Variants in UQCRC1 observed in about 807,000 individuals in gnomAD.
UQCRC1 encodes the protein cytochrome b-c1 complex subunit 1, mitochondrial.
UQCRC1 carries 34 observed loss-of-function variants against 58.0 expected under a neutral mutation model. The observed-to-expected ratio is 0.59, with a 90% CI of 0.45 to 0.78. The LOEUF (loss-of-function observed/expected upper bound fraction) is 0.78. Among genes scored for constraint, UQCRC1 ranks in the 30% least tolerant of loss-of-function variants. The pLI is 0.00. For missense variants in UQCRC1, 610 were observed against 646.0 expected (o/e 0.94, Z 0.60); for synonymous variants, 276 against 248.8 (o/e 1.11, Z -1.03).
At chr3:48,603,722 G>A in intron 5 of UQCRC1, 79 bp from the exon 6 acceptor site, 1 of 1,321,204 alleles carries the variant, frequency 7.6e-7, no homozygotes, top group Non-Finnish European at 1.1e-6. Context: ...TGGGACTGAG[G>A]AGGCAGACTA....
intron 2 of UQCRC1, among the ~76,000 whole-genome samples, chr3:48,608,547 T>C (rs2046434079): frequency 6.6e-6 from 1 of 152,226 alleles, no homozygotes; most frequent in Admixed American, 6.5e-5. Flanking sequence ...TCGCAGGACA[T>C]TGTTTCTGGA....
intron 2 of UQCRC1, among the ~76,000 whole-genome samples, 180 bp downstream of exon 2, chr3:48,608,982 T>C (rs573236921): frequency 2.0e-5 from 3 of 152,300 alleles, no homozygotes; most frequent in Admixed American, 6.5e-5. Context: ...ATAGTGAAGA[T>C]TGTCCCGTGA....
At chr3:48,603,538 A>T in intron 6 of UQCRC1, 26 bp downstream of exon 6, 1 of 1,611,728 alleles carries the variant, frequency 6.2e-7, no homozygotes, top group Non-Finnish European at 8.5e-7. Context: ...CCCACTACCC[A>T]GGACTTCAGT....
At position 48,600,058 on chromosome 3, in the gene UQCRC1, G is replaced by A; in HGVS notation, c.1302+5C>T. On this transcript the variant is annotated splice_donor_5th_base_variant and intron_variant, in intron 11 of 12. Transcript: ENST00000203407. ...TCCAGAACCTCTCCCAGGGGTCCAT[G>A]TTACCGCAATCCGGCTTTCCCATTC... 1 of 1,614,152 alleles carries A rather than the reference G, an allele frequency of 6.2e-7. No homozygotes were observed. The highest frequency in any genetic ancestry group is 1.1e-5 in the South Asian group (1 of 91,084).
chr3:48,605,884 A>G lies in UQCRC1; in HGVS notation c.211-28T>C, dbSNP rs752566716. 9 of 1,610,784 alleles carry G rather than the reference A, an allele frequency of 5.6e-6. No individual in the cohort carries two copies. The South Asian group carries it at 6.6e-5, about 12-fold the overall frequency. The stretch of plus-strand genomic sequence containing the variant: ...GGTCAAGAAGCCACCAGAAAAGGTT[A>G]CAAACAAACCACTCCCCAGCCCCCT... On this transcript the variant is annotated intron_variant, in intron 2 of 12. Coordinates refer to ENST00000203407, the MANE Select transcript of UQCRC1 (RefSeq NM_003365.3).
chr3:48,600,291 C>T, intron 10 of UQCRC1, 140 bp from the exon 11 acceptor site: 2 of 1,103,050 alleles, frequency 1.8e-6, no homozygotes, highest in South Asian at 2.9e-5. Context: ...CTTCTATGGT[C>T]ACCTATTATG....
chr3:48,601,137 A>G lies in UQCRC1; in HGVS notation c.823-19T>C, dbSNP rs891081527. On this transcript the variant is annotated intron_variant, in intron 7 of 12. Coordinates refer to ENST00000203407, the MANE Select transcript of UQCRC1 (RefSeq NM_003365.3). ...GGCGGATCTGAAACAGTACATGACA[A>G]GGCTGAGGAACAGCCAGACTGCCAG... is the stretch of plus-strand genomic sequence containing the variant. The G allele has an allele frequency of 4.4e-6, 7 of 1,587,720 alleles. No individual in the cohort carries two copies. Among genetic ancestry groups the G allele is most frequent in the Non-Finnish European group, 6.0e-6 (7 of 1,161,850 alleles).
chr3:48,600,574 T>TGGGG lies in UQCRC1; in HGVS notation c.1128-11_1128-8dup. On this transcript the variant is annotated splice_region_variant and splice_polypyrimidine_tract_variant and intron_variant, in intron 9 of 12. Transcript: ENST00000203407. ...ACTGGTACACAGGCGCATCCTAAAG[T>TGGGG]GGGGGGGTGGGTGGTATTCATTCTG... 1 of 1,613,838 alleles carries TGGGG rather than the reference T, an allele frequency of 6.2e-7. No individual in the cohort carries two copies. The highest frequency in any genetic ancestry group is 8.5e-7 in the Non-Finnish European group (1 of 1,179,964).
rs1405080371 is a variant in UQCRC1 at position 48,599,015 on chromosome 3, A to G, written c.*113T>C. On this transcript the variant is annotated 3_prime_UTR_variant, in exon 13 of 13. Transcript: ENST00000203407. ...GGGATGACACACTTCTCAGCAGAGG[A>G]TTTTATTGGTGGTCACCTGTGGCAC... 7.9e-7 allele frequency: 1 copy of G among 1,260,640 alleles called. No individual in the cohort carries two copies. Among genetic ancestry groups the G allele is most frequent in the Non-Finnish European group, 1.1e-6 (1 of 891,992 alleles). 78.1% of individuals were successfully genotyped at this position (1,260,640 alleles called of 1,614,324 possible). A position where few individuals can be genotyped will look rare whatever the true frequency, so the allele number is the denominator to read the frequency against.
At chr3:48,599,240 G>A (rs780252089) in intron 12 of UQCRC1, 48 bp from the exon 13 acceptor site, 4 of 1,550,310 alleles carry the variant, frequency 2.6e-6, no homozygotes, top group South Asian at 2.4e-5. Flanking sequence ...GGCCTGCACA[G>A]GGACACCTGG....
intron 10 of UQCRC1, 104 bp downstream of exon 10, chr3:48,600,378 C>G: frequency 6.8e-7 from 1 of 1,461,720 alleles, no homozygotes; most frequent in Admixed American, 1.8e-5. Flanking sequence ...GCGTGGTCTT[C>G]AAAGTTTTCC....
At chr3:48,604,185 AGGCCAG>A in intron 5 of UQCRC1, 42 bp downstream of exon 5, 1 of 1,595,942 alleles carries the variant, frequency 6.3e-7, no homozygotes, top group South Asian at 1.1e-5. Flanking sequence ...GGGTCTGGCC[AGGCCAG>A]AATGGAGCAA....
In UQCRC1 at chr3:48,605,800, T is replaced by G; in HGVS notation, c.267A>C (p.Ala89=). 1 of 1,613,958 alleles carries G rather than the reference T, an allele frequency of 6.2e-7. No individual in the cohort carries two copies. Among genetic ancestry groups the G allele is most frequent in the Non-Finnish European group, 8.5e-7 (1 of 1,179,924 alleles). ...AAGCCAGATGCTCCAAAAAGTAGCC[T>G]GCCCCATTATTCTTCTCAGTCTCAA... ...SRFETEKNNG[A]GYFLEHLAFK... The change falls in exon 3 of 13, where the codon GCA becomes GCC. Residue 89 remains alanine (A), a synonymous_variant. Transcript: ENST00000203407.
intron 2 of UQCRC1, among the ~76,000 whole-genome samples, chr3:48,608,913 G>T (rs549749871): frequency 2.0e-5 from 3 of 152,206 alleles, no homozygotes; most frequent in Non-Finnish European, 1.5e-5. Flanking sequence ...TTAACAAAAG[G>T]CTGGAAAAGA....
rs1214720527 is a variant in UQCRC1 at position 48,605,848 on chromosome 3, C to T, written c.219G>A (p.Val73=). ...CAAAACGGCTGCCAACATCAATCCA[C>T]ACTCCCACCTGGTCAAGAAGCCACC... The part of the protein sequence containing the change: ...QSSQPTCTVG[V]WIDVGSRFET... Residue 73 remains valine, a synonymous_variant, in exon 3 of 13, where the codon GTG becomes GTA. Coordinates refer to ENST00000203407, the MANE Select transcript of UQCRC1 (RefSeq NM_003365.3). 6.2e-7 allele frequency: 1 copy of T among 1,613,914 alleles called. No homozygotes were observed. The highest frequency in any genetic ancestry group is 1.7e-5 in the Admixed American group (1 of 59,990).
intron 11 of UQCRC1, 71 bp from the exon 12 acceptor site, chr3:48,599,781 C>A: frequency 6.7e-7 from 1 of 1,486,170 alleles, no homozygotes; most frequent in South Asian, 1.1e-5. Context: ...CAGCATCATC[C>A]AACTAGCAGA....
rs1393314057 is a variant in UQCRC1, at chr3:48,599,151, C to T, written c.1420G>A (p.Gly474Ser). 6.8e-6 allele frequency: 11 copies of T among 1,611,750 alleles called. No individual in the cohort carries two copies. The highest frequency in any genetic ancestry group is 1.7e-5 in the Admixed American group (1 of 59,794). ...QLPDYNRIRS[G>S]MFWLRF ...GCCTAGAAGCGCAGCCAGAACATGC[C>T]GCTACGGATCCGGTTGTAGTCTGGG... The change falls in exon 13 of 13, where the codon GGC becomes AGC. Residue 474 changes from glycine to serine, a missense_variant. Transcript: ENST00000203407.
At chr3:48,604,001 G>C (rs1019705925) in intron 5 of UQCRC1, 16 of 599,340 alleles carry the variant, frequency 2.7e-5, no homozygotes, top group Non-Finnish European at 4.4e-5. Flanking sequence ...TTCGCCCTTG[G>C]ACTGTCAGGA....
rs766616723 is a variant in UQCRC1, at chr3:48,605,856, C to A, written c.211G>T (p.Val71Leu). ...SEQSSQPTCTVGVWIDVGSRF... is the reference protein window; with the variant it reads ...SEQSSQPTCTLGVWIDVGSRF... ...CTGCCAACATCAATCCACACTCCCACCTGGTCAAGAAGCCACCAGAAAAGG... is the reference window on the plus strand; with the variant it reads ...CTGCCAACATCAATCCACACTCCCAACTGGTCAAGAAGCCACCAGAAAAGG... The change falls in exon 3 of 13, where the codon GTG (valine) becomes TTG (leucine). Residue 71 changes from valine to leucine, a missense_variant and splice_region_variant. Val to Leu is a conservative substitution (Grantham distance 32). Transcript: ENST00000203407. 6.2e-7 allele frequency: 1 copy of A among 1,613,692 alleles called. No individual in the cohort carries two copies. Among genetic ancestry groups the A allele is most frequent in the South Asian group, 1.1e-5 (1 of 90,992 alleles).
Sources: gnomAD v4.1 joint callset for allele counts (sites outside exome capture counted in the v4.1 genomes callset) on GRCh38, gnomAD v4.1.1 for gene constraint, MANE v1.5 for transcripts, NCBI Gene and HGNC (gene_info 2026-07-23, HGNC 2026-07-21) for gene names.